The following ATP8A2 variants were observed in gnomAD, a reference collection of about 807,000 sequenced individuals.
ATP8A2 encodes ATPase phospholipid transporting 8A2, also known as phospholipid-transporting ATPase IB.
A neutral mutation model predicts 165.6 loss-of-function variants in ATP8A2; 100 were observed. The observed-to-expected ratio is 0.60, with a 90% CI of 0.51 to 0.71. ATP8A2 has a LOEUF of 0.71. Among genes scored for constraint, ATP8A2 ranks in the 30% least tolerant of loss-of-function variants. The pLI is 0.00. For missense variants in ATP8A2, 1,227 were observed against 1,479.5 expected, an observed-to-expected ratio of 0.83 and a Z score of 2.80; for synonymous variants, 543 against 548.8, an observed-to-expected ratio of 0.99 and a Z score of 0.15.
chr13:25,685,731 G>A (rs1386737366), intron 24 of ATP8A2, among the ~76,000 whole-genome samples: 1 of 152,156 alleles, frequency 6.6e-6, no homozygotes, highest in African/African-American at 2.4e-5. Flanking sequence ...GAGGTCAGAG[G>A]GGTGCTGGGC....
At chr13:25,413,833 A>G (rs1415749995) in intron 1 of ATP8A2, among the ~76,000 whole-genome samples, 1 of 152,170 alleles carries the variant, frequency 6.6e-6, no homozygotes, top group Non-Finnish European at 1.5e-5. Flanking sequence ...TTATTCCCTT[A>G]AAAGCTGCTC....
At chr13:25,713,478 G>A (rs1054434029) in intron 25 of ATP8A2, among the ~76,000 whole-genome samples, 3 of 152,100 alleles carry the variant, frequency 2.0e-5, no homozygotes, top group Non-Finnish European at 2.9e-5. Context: ...CAGCTTTCAT[G>A]TAGACGTTCT....
intron 33 of ATP8A2, among the ~76,000 whole-genome samples, chr13:25,907,337 C>T (rs371112089): frequency 5.9e-5 from 9 of 151,732 alleles, no homozygotes; most frequent in South Asian, 2.1e-4. Flanking sequence ...GGCAGGAGAG[C>T]GAGACTCCAT....
chr13:25,469,138 G>C lies in ATP8A2; in HGVS notation c.221+17G>C. 6.2e-7 allele frequency: 1 copy of C among 1,612,710 alleles called. No homozygotes were observed. The highest frequency in any genetic ancestry group is 8.5e-7 in the Non-Finnish European group (1 of 1,179,306). On this transcript the variant is annotated intron_variant, in intron 2 of 36. Coordinates refer to ENST00000381655, the MANE Select transcript of ATP8A2 (RefSeq NM_016529.6). ...CCAGATCAGGTAGGAGAAGGCGGCCGGCTCGCGCGGAAGGCGGTGGAGTCA... is the reference window on the plus strand; with the variant it reads ...CCAGATCAGGTAGGAGAAGGCGGCCCGCTCGCGCGGAAGGCGGTGGAGTCA...
rs530970221 is a variant in ATP8A2, at chr13:25,844,391, C to T, written c.2956+4767C>T. Among the ~76,000 whole-genome samples the T allele has an allele frequency of 1.6e-3, 237 of 152,054 alleles. 2 individuals are homozygous for T. The highest frequency in any genetic ancestry group is 5.2e-3 in the African/African-American group (215 of 41,488). ...AATTACAGGCTCATGCCACCATGCC[C>T]GGCTAATTTTTGTATTTTTAGTAGA... On this transcript the variant is annotated intron_variant, in intron 30 of 36. Transcript: ENST00000381655.
chr13:25,903,154 C>T (rs1338077966), intron 33 of ATP8A2, among the ~76,000 whole-genome samples: 5 of 152,076 alleles, frequency 3.3e-5, no homozygotes, highest in East Asian at 1.9e-4. Context: ...AAAAAAATTC[C>T]GGTCTCCTGC....
chr13:25,799,515 G>A (rs1042082566), intron 27 of ATP8A2, among the ~76,000 whole-genome samples: 3 of 152,244 alleles, frequency 2.0e-5, no homozygotes, highest in Non-Finnish European at 4.4e-5. Flanking sequence ...TCCCAGACAC[G>A]GAATCATTGC....
At chr13:25,383,084 T>A (rs1424803418) in intron 1 of ATP8A2, among the ~76,000 whole-genome samples, 1 of 144,552 alleles carries the variant, frequency 6.9e-6, no homozygotes, top group Non-Finnish European at 1.5e-5. Flanking sequence ...TCTTGCTTTG[T>A]TGCCAGGCTG....
chr13:25,702,034 A>T (rs1272635091), intron 25 of ATP8A2, among the ~76,000 whole-genome samples: 1 of 152,220 alleles, frequency 6.6e-6, no homozygotes, highest in East Asian at 1.9e-4. Context: ...AAAAAAAAGA[A>T]AAAAGCACTT....
chr13:25,688,715 T>C (rs2419335), intron 24 of ATP8A2, among the ~76,000 whole-genome samples: 150,983 of 152,352 alleles, frequency 0.99, 74,829 homozygotes, highest in East Asian at 1. Context: ...ATTCAGGGAG[T>C]CCTAAGAAGG....
In ATP8A2 at chr13:25,633,947, G is replaced by GCCTGAGCAA. The variant is rs1565998068; in HGVS notation, c.2211+44250_2211+44258dup. The stretch of plus-strand genomic sequence containing the variant: ...GGCAAGATCGTGACACTGTACTCCA[G>GCCTGAGCAA]CCTGAGCAACAGAGTGAGACCCTGT... On this transcript the variant is annotated intron_variant, in intron 24 of 36. Transcript: ENST00000381655. Among the ~76,000 whole-genome samples, 9 of 150,866 alleles carry GCCTGAGCAA rather than the reference G, an allele frequency of 6.0e-5. No individual in the cohort carries two copies. The South Asian group carries it at 1.7e-3, about 28-fold the overall frequency.
intron 2 of ATP8A2, among the ~76,000 whole-genome samples, chr13:25,506,937 G>GCACATATATATATA (rs1234014087): frequency 2.1e-4 from 14 of 66,416 alleles, no homozygotes; most frequent in Non-Finnish European, 3.6e-4. Context: ...ATACAGTACA[G>GCACATATATATATA]TACATATATA....
chr13:25,914,451 G>A (rs1266169160), intron 33 of ATP8A2, among the ~76,000 whole-genome samples: 2 of 152,164 alleles, frequency 1.3e-5, no homozygotes, highest in African/African-American at 4.8e-5. Context: ...TCTACAACCT[G>A]TGTACTGATG....
intron 24 of ATP8A2, among the ~76,000 whole-genome samples, chr13:25,657,673 A>G (rs756446636): frequency 6.7e-6 from 1 of 149,594 alleles, no homozygotes; most frequent in Non-Finnish European, 1.5e-5. Context: ...TCTATGTAAC[A>G]CACAAATGTT....
chr13:25,545,953 T>G (rs1039228279), intron 10 of ATP8A2, among the ~76,000 whole-genome samples: 4 of 152,102 alleles, frequency 2.6e-5, no homozygotes, highest in African/African-American at 4.8e-5. Flanking sequence ...TTTTTTATGA[T>G]GAAGTGGCAG....
chr13:25,895,630 C>G (rs1221682963), intron 33 of ATP8A2, among the ~76,000 whole-genome samples: 10 of 152,214 alleles, frequency 6.6e-5, no homozygotes, highest in Admixed American at 3.9e-4. Context: ...CCTTGTACCT[C>G]TGGTAGAATT....
At chr13:25,797,373 A>G (rs1253167914) in intron 27 of ATP8A2, among the ~76,000 whole-genome samples, 2 of 152,214 alleles carry the variant, frequency 1.3e-5, no homozygotes, top group African/African-American at 4.8e-5. Context: ...GAGGTAAAAT[A>G]CCTATTTCAA....
chr13:25,883,063 G>A (rs1409314901), intron 33 of ATP8A2, among the ~76,000 whole-genome samples: 1 of 152,066 alleles, frequency 6.6e-6, no homozygotes, highest in Non-Finnish European at 1.5e-5. Context: ...CCGAAACCAA[G>A]TCCTAGTGAA....
In ATP8A2 at chr13:25,779,813, T is replaced by G. The variant is rs533232904; in HGVS notation, c.2679+4854T>G. On this transcript the variant is annotated intron_variant, in intron 27 of 36. Coordinates refer to ENST00000381655, the MANE Select transcript of ATP8A2 (RefSeq NM_016529.6). ...GACAATGGGAGGAATTTGCCTTAAATGTAAAGATTAGGGGTAAAGAGGTTA... is the reference window on the plus strand; with the variant it reads ...GACAATGGGAGGAATTTGCCTTAAAGGTAAAGATTAGGGGTAAAGAGGTTA... Among the ~76,000 whole-genome samples, 5 of 152,320 alleles carry G rather than the reference T, an allele frequency of 3.3e-5. No individual in the cohort carries two copies. The South Asian group carries it at 1.0e-3, about 32-fold the overall frequency.
Sources: gnomAD v4.1 joint callset for allele counts (sites outside exome capture counted in the v4.1 genomes callset) on GRCh38, gnomAD v4.1.1 for gene constraint, MANE v1.5 for transcripts, NCBI Gene and HGNC (gene_info 2026-07-23, HGNC 2026-07-21) for gene names.